Variants in MSRA observed in about 807,000 individuals in gnomAD.
MSRA encodes the protein mitochondrial peptide methionine sulfoxide reductase.
Under a neutral mutation model 31.3 loss-of-function variants are expected in MSRA, and 54 were observed. That is an observed-to-expected ratio of 1.73 (90% CI 1.39 to 2.17). MSRA has a LOEUF of 2.17. Among genes scored for constraint, MSRA ranks in the 30% most tolerant of loss-of-function variants. The pLI, the probability that MSRA is intolerant of heterozygous loss-of-function variation, is 0.00. For synonymous variants in MSRA, 169 were observed against 116.5 expected (o/e 1.45, Z -2.90); for missense variants, 507 against 300.9 (o/e 1.69, Z -5.07).
At chr8:10,212,564 C>G (rs1160636566) in intron 2 of MSRA, among the ~76,000 whole-genome samples, 2 of 152,164 alleles carry the variant, frequency 1.3e-5, no homozygotes, top group Non-Finnish European at 2.9e-5. Flanking sequence ...TGTGTTCTTC[C>G]TGAATAACTT....
intron 1 of MSRA, among the ~76,000 whole-genome samples, chr8:10,071,069 A>G (rs1487126323): frequency 6.6e-6 from 1 of 152,210 alleles, no homozygotes; most frequent in Non-Finnish European, 1.5e-5. Context: ...TAGTTTCATA[A>G]GAAACTGCCA....
At chr8:10,269,594 C>T (rs1457696463) in intron 3 of MSRA, among the ~76,000 whole-genome samples, 1 of 152,198 alleles carries the variant, frequency 6.6e-6, no homozygotes, top group African/African-American at 2.4e-5. Context: ...ATTTGGACAT[C>T]AGCTTTGCTG....
At chr8:10,403,906 T>C (rs28439326) in intron 5 of MSRA, among the ~76,000 whole-genome samples, 12,981 of 152,158 alleles carry the variant, frequency 0.085, 1,632 homozygotes, top group African/African-American at 0.27. Flanking sequence ...TCACAGAGGA[T>C]TGTATGAGGA....
At chr8:10,180,411 T>G (rs1170475740) in intron 1 of MSRA, among the ~76,000 whole-genome samples, 1 of 152,120 alleles carries the variant, frequency 6.6e-6, no homozygotes, top group Non-Finnish European at 1.5e-5. Flanking sequence ...ACCCATTGTT[T>G]AGGGTTTTTA....
chr8:10,312,344 G>A (rs576352421), intron 4 of MSRA, among the ~76,000 whole-genome samples: 1 of 152,246 alleles, frequency 6.6e-6, no homozygotes, highest in Admixed American at 6.5e-5. Context: ...TACAGATGTG[G>A]GAGATTTTAC....
intron 1 of MSRA, among the ~76,000 whole-genome samples, chr8:10,122,456 G>C (rs547886786): frequency 1.3e-5 from 2 of 152,004 alleles, no homozygotes; most frequent in Non-Finnish European, 1.5e-5. Context: ...ATGATGAATT[G>C]TGCTCTGTGG....
At chr8:10,061,065 A>G (rs964872925) in intron 1 of MSRA, among the ~76,000 whole-genome samples, 1 of 152,072 alleles carries the variant, frequency 6.6e-6, no homozygotes, top group Non-Finnish European at 1.5e-5. Flanking sequence ...TGATTTTACA[A>G]CCTGTTCCAG....
chr8:10,321,757 C>T (rs1227409812), intron 5 of MSRA, among the ~76,000 whole-genome samples: 1 of 152,100 alleles, frequency 6.6e-6, no homozygotes, highest in Non-Finnish European at 1.5e-5. Context: ...GCTTACATGA[C>T]AAGGACAAAA....
At chr8:10,076,251 G>A (rs1390598136) in intron 1 of MSRA, among the ~76,000 whole-genome samples, 2 of 152,238 alleles carry the variant, frequency 1.3e-5, no homozygotes, top group African/African-American at 4.8e-5. Context: ...GATGCGTCCA[G>A]TAGGGACACT....
At chr8:10,095,586 G>T in intron 1 of MSRA, 11 of 986,388 alleles carry the variant, frequency 1.1e-5, no homozygotes, top group African/African-American at 1.7e-5. Flanking sequence ...GAGAGAGGCA[G>T]AGGGAGAGCT....
chr8:10,204,680 C>G (rs1808788134), intron 1 of MSRA, among the ~76,000 whole-genome samples: 1 of 152,198 alleles, frequency 6.6e-6, no homozygotes, highest in Admixed American at 6.5e-5. Context: ...ATAGATTTCC[C>G]TGAATATATC....
intron 1 of MSRA, among the ~76,000 whole-genome samples, chr8:10,185,187 G>C (rs1806911491): frequency 6.6e-6 from 1 of 151,850 alleles, no homozygotes; most frequent in Non-Finnish European, 1.5e-5. Flanking sequence ...TCCCCCTGTG[G>C]ACAATTGGTG....
chr8:10,113,295 T>TTTTTTTTTTTTTTTTTTTTG (rs1800432213), intron 1 of MSRA, among the ~76,000 whole-genome samples: 1 of 103,342 alleles, frequency 9.7e-6, no homozygotes, highest in East Asian at 2.5e-4. Context: ...AGGTCTTCTT[T>TTTTTTTTTTTTTTTTTTTTG]TTTTTTTTTT....
chr8:10,281,952 T>C (rs1187103635), intron 3 of MSRA, among the ~76,000 whole-genome samples: 1 of 152,174 alleles, frequency 6.6e-6, no homozygotes, highest in Non-Finnish European at 1.5e-5. Context: ...CTTTGCAGGT[T>C]TTTCAGGCTG....
intron 1 of MSRA, among the ~76,000 whole-genome samples, chr8:10,191,674 T>C (rs2129053595): frequency 6.6e-6 from 1 of 151,944 alleles, no homozygotes; most frequent in Non-Finnish European, 1.5e-5. Context: ...AACTTAGAAA[T>C]GGGTCATGTT....
chr8:10,068,781 A>G (rs2128916910), intron 1 of MSRA, among the ~76,000 whole-genome samples: 1 of 152,202 alleles, frequency 6.6e-6, no homozygotes, highest in South Asian at 2.1e-4. Context: ...CTTTCCATAT[A>G]AAGTTTAGAA....
chr8:10,175,737 T>C (rs115122647), intron 1 of MSRA, among the ~76,000 whole-genome samples: 2,608 of 152,332 alleles, frequency 0.017, 86 homozygotes, highest in South Asian at 0.095. Flanking sequence ...TCCTTGTACA[T>C]AGGTAATCAT....
At chr8:10,150,101 A>G (rs1803530533) in intron 1 of MSRA, among the ~76,000 whole-genome samples, 2 of 151,892 alleles carry the variant, frequency 1.3e-5, no homozygotes, top group Non-Finnish European at 2.9e-5. Context: ...TTGAAACTAC[A>G]GGAATGCCGA....
intron 1 of MSRA, among the ~76,000 whole-genome samples, chr8:10,068,000 C>G (rs956276738): frequency 6.7e-6 from 1 of 149,168 alleles, no homozygotes; most frequent in African/African-American, 2.5e-5. Context: ...ACTCATGCGT[C>G]AGCTTCCTGG....
Sources: gnomAD v4.1 joint callset for allele counts (sites outside exome capture counted in the v4.1 genomes callset) on GRCh38, gnomAD v4.1.1 for gene constraint, MANE v1.5 for transcripts, NCBI Gene and HGNC (gene_info 2026-07-23, HGNC 2026-07-21) for gene names.